SGCZ: variants seen among roughly 807,000 people sequenced by gnomAD.
The protein encoded by SGCZ is zeta-sarcoglycan.
Under a neutral mutation model 41.3 loss-of-function variants are expected in SGCZ, and 40 were observed. The ratio of observed to expected loss-of-function variants is 0.97; its 90% CI spans 0.75 to 1.26. The LOEUF is 1.26. SGCZ is among the 50% of genes most tolerant of loss of function. The pLI, the probability that SGCZ is intolerant of heterozygous loss-of-function variation, is 0.00. For missense variants in SGCZ, 552 were observed against 369.8 expected (o/e 1.49, Z -4.04); for synonymous variants, 206 against 137.5 (o/e 1.50, Z -3.49).
chr8:15,134,690 G>C (rs1420771059), intron 1 of SGCZ, among the ~76,000 whole-genome samples: 1 of 152,142 alleles, frequency 6.6e-6, no homozygotes, highest in Non-Finnish European at 1.5e-5. Context: ...CCAATTCAGA[G>C]TTTCTCAAGT....
intron 3 of SGCZ, among the ~76,000 whole-genome samples, chr8:14,238,513 C>G (rs549871528): frequency 2.0e-5 from 3 of 152,216 alleles, no homozygotes; most frequent in Middle Eastern, 3.4e-3. Context: ...AACGTGTTGA[C>G]TTTTATTAGT....
At chr8:14,805,466 A>C (rs1400528992) in intron 1 of SGCZ, among the ~76,000 whole-genome samples, 6 of 128,810 alleles carry the variant, frequency 4.7e-5, no homozygotes, top group South Asian at 3.0e-4. Context: ...ACCAACAAAG[A>C]TCAAAAGAGA....
intron 1 of SGCZ, among the ~76,000 whole-genome samples, chr8:14,773,425 G>T (rs529960637): frequency 2.0e-4 from 31 of 152,244 alleles, no homozygotes; most frequent in African/African-American, 7.5e-4. Flanking sequence ...TTTGTTCCTG[G>T]TCGTGGGTTT....
intron 1 of SGCZ, among the ~76,000 whole-genome samples, chr8:14,817,495 A>C (rs1226251053): frequency 1.3e-5 from 2 of 152,142 alleles, no homozygotes; most frequent in Non-Finnish European, 2.9e-5. Flanking sequence ...CACCATCTTG[A>C]AACTAGACCC....
intron 2 of SGCZ, among the ~76,000 whole-genome samples, chr8:14,397,791 TC>T (rs1324165889): frequency 6.6e-6 from 1 of 152,082 alleles, no homozygotes; most frequent in Non-Finnish European, 1.5e-5. Context: ...AGCATCTTCA[TC>T]CCCTTTTAGG....
rs1429171217 is a variant in SGCZ at position 14,226,902 on chromosome 8, G to A, written c.424+10690C>T. On this transcript the variant is annotated intron_variant, in intron 4 of 7. Coordinates refer to ENST00000382080, the MANE Select transcript of SGCZ (RefSeq NM_139167.4). ...CTTTTATTTTAGTCACTATACTTAT[G>A]ACTTATGATTTCTCAAAGCCTGAAA... 2.0e-5 allele frequency among the ~76,000 whole-genome samples: 3 copies of A among 152,172 alleles called. No homozygotes were observed. The East Asian group carries it at 5.8e-4, about 29-fold the overall frequency.
chr8:14,994,775 T>C (rs1157913322), intron 1 of SGCZ, among the ~76,000 whole-genome samples: 1 of 152,212 alleles, frequency 6.6e-6, no homozygotes, highest in East Asian at 1.9e-4. Flanking sequence ...ATACTATAAA[T>C]TCAGAAAAAA....
At chr8:14,901,229 C>G (rs1349630079) in intron 1 of SGCZ, among the ~76,000 whole-genome samples, 1 of 152,124 alleles carries the variant, frequency 6.6e-6, no homozygotes, top group Non-Finnish European at 1.5e-5. Flanking sequence ...ATTAGGTGAG[C>G]ACACTTAAGA....
At chr8:14,103,147 G>C (rs191500894) in intron 6 of SGCZ, among the ~76,000 whole-genome samples, 1 of 151,850 alleles carries the variant, frequency 6.6e-6, no homozygotes, top group African/African-American at 2.4e-5. Context: ...TCAATAGGAG[G>C]GTAATATACA....
intron 1 of SGCZ, among the ~76,000 whole-genome samples, chr8:14,802,976 G>C (rs1450871339): frequency 2.0e-5 from 3 of 152,134 alleles, no homozygotes; most frequent in African/African-American, 7.2e-5. Context: ...GTAGATAGCA[G>C]ACAGCCTTGA....
intron 1 of SGCZ, among the ~76,000 whole-genome samples, chr8:14,611,312 G>A (rs1467057444): frequency 8.2e-6 from 1 of 122,316 alleles, no homozygotes; most frequent in Non-Finnish European, 1.8e-5. Flanking sequence ...AATGGAGAGA[G>A]TAAATGAATA....
At chr8:14,262,114 A>C (rs1278419573) in intron 3 of SGCZ, among the ~76,000 whole-genome samples, 1 of 152,206 alleles carries the variant, frequency 6.6e-6, no homozygotes, top group African/African-American at 2.4e-5. Flanking sequence ...AGTATCAATT[A>C]GCAAATGACT....
At chr8:14,363,614 A>T (rs1803603060) in intron 2 of SGCZ, among the ~76,000 whole-genome samples, 1 of 152,056 alleles carries the variant, frequency 6.6e-6, no homozygotes, top group African/African-American at 2.4e-5. Flanking sequence ...ACCCAACTTC[A>T]TTATAACAAC....
Position 14,423,893 on chromosome 8 carries a change from C to T in SGCZ, c.235-99689G>A, listed in dbSNP as rs567459719. On this transcript the variant is annotated intron_variant, in intron 2 of 7. Coordinates refer to ENST00000382080, the MANE Select transcript of SGCZ (RefSeq NM_139167.4). ...TTTCCTTTTTTTCCTTCCTTCCTTT[C>T]TCCCTGCTAAGTACCAAACATATTC... Among the ~76,000 whole-genome samples, 321 of 151,938 alleles carry T rather than the reference C, an allele frequency of 2.1e-3. 1 individual carries two copies. The highest frequency in any genetic ancestry group is 6.8e-3 in the Middle Eastern group (2 of 294).
chr8:14,739,166 G>T (rs1799130614), intron 1 of SGCZ, among the ~76,000 whole-genome samples: 1 of 151,958 alleles, frequency 6.6e-6, no homozygotes, highest in Non-Finnish European at 1.5e-5. Context: ...ATTCAAAGAG[G>T]CTCTAATTTT....
intron 2 of SGCZ, among the ~76,000 whole-genome samples, chr8:14,373,652 T>G (rs113325141): frequency 0.01 from 1,554 of 152,214 alleles, 33 homozygotes; most frequent in African/African-American, 0.035. Flanking sequence ...CTATATCTGG[T>G]GAATTTGCAG....
In SGCZ at chr8:14,401,076, G is replaced by A. The variant is rs998407467; in HGVS notation, c.235-76872C>T. On this transcript the variant is annotated intron_variant, in intron 2 of 7. Coordinates refer to ENST00000382080, the MANE Select transcript of SGCZ (RefSeq NM_139167.4). The stretch of plus-strand genomic sequence containing the variant: ...ACGCTGACCTCCCTGTGTAATTAAT[G>A]GAAGGAAAGCAGTCCACACTGTGCA... Among the ~76,000 whole-genome samples, 6 of 152,204 alleles carry A rather than the reference G, an allele frequency of 3.9e-5. No homozygotes were observed. The East Asian group carries it at 1.2e-3, about 29-fold the overall frequency.
chr8:14,852,162 C>T (rs978618771), intron 1 of SGCZ, among the ~76,000 whole-genome samples: 1 of 151,944 alleles, frequency 6.6e-6, no homozygotes, highest in African/African-American at 2.4e-5. Flanking sequence ...CAAGTCAGCT[C>T]CAGAAATAAA....
intron 2 of SGCZ, among the ~76,000 whole-genome samples, chr8:14,501,280 A>G (rs1436580232): frequency 1.3e-5 from 2 of 151,898 alleles, no homozygotes; most frequent in Non-Finnish European, 2.9e-5. Context: ...AACGGTAATC[A>G]TCTTCTCTAA....
Sources: gnomAD v4.1 joint callset for allele counts (sites outside exome capture counted in the v4.1 genomes callset) on GRCh38, gnomAD v4.1.1 for gene constraint, MANE v1.5 for transcripts, NCBI Gene and HGNC (gene_info 2026-07-23, HGNC 2026-07-21) for gene names.